SEM1: variants seen among roughly 807,000 people sequenced by gnomAD.
The protein encoded by SEM1 is SEM1 26S proteasome subunit, also known as 26S proteasome complex subunit SEM1.
SEM1 carries 3 observed loss-of-function variants against 12.7 expected under a neutral mutation model. The observed-to-expected ratio is 0.24, with a 90% CI of 0.11 to 0.61. The LOEUF (loss-of-function observed/expected upper bound fraction) is 0.61, where lower values mean the gene tolerates loss of function less well. Ranked by LOEUF, SEM1 falls within the 20% of genes least tolerant of loss-of-function variation. The pLI, the probability that SEM1 is intolerant of heterozygous loss-of-function variation, is 0.88. For missense variants in SEM1, 59 were observed against 81.3 expected, an observed-to-expected ratio of 0.73 and a Z score of 1.06; for synonymous variants, 30 against 27.8, an observed-to-expected ratio of 1.08 and a Z score of -0.25.
At chr7:96,696,586 T>C (rs1226147316) in intron 1 of SEM1, 3 of 152,074 alleles carry the variant, frequency 2.0e-5, no homozygotes, top group African/African-American at 7.2e-5. Flanking sequence ...ATATGAGCAC[T>C]GTTAAGAAAA....
chr7:96,513,468 A>G (rs1278569485), intron 2 of SEM1, among the ~76,000 whole-genome samples: 2 of 152,164 alleles, frequency 1.3e-5, no homozygotes, highest in African/African-American at 4.8e-5. Context: ...GGAAACTTTT[A>G]TCCTTATCTG....
chr7:96,556,954 C>CAG (rs1805525151), intron 2 of SEM1, among the ~76,000 whole-genome samples: 1 of 149,898 alleles, frequency 6.7e-6, no homozygotes, highest in Non-Finnish European at 1.5e-5. Flanking sequence ...TCTTCCATTG[C>CAG]TGATACCCTT....
intron 2 of SEM1, among the ~76,000 whole-genome samples, chr7:96,524,914 C>G (rs1804401204): frequency 1.3e-5 from 2 of 152,068 alleles, no homozygotes; most frequent in South Asian, 4.1e-4. Context: ...AATGAAATAT[C>G]AGTTTTTCCA....
Position 96,539,079 on chromosome 7 carries a change from G to A in SEM1, c.171-32381C>T, listed in dbSNP as rs866141109. Among the ~76,000 whole-genome samples, 11 of 151,820 alleles carry A rather than the reference G, an allele frequency of 7.2e-5. No individual in the cohort carries two copies. The Middle Eastern group carries it at 0.01, about 141-fold the overall frequency. ...GGTAAAACAAGCTAGCATGTTCAAG[G>A]TTCCAATCTGTCAAGATACTGAGAA... On this transcript the variant is annotated intron_variant and NMD_transcript_variant, in intron 2 of 3. Coordinates refer to the SEM1 transcript ENST00000466986.
downstream of SEM1, chr7:96,622,528 G>C: frequency 1.4e-6 from 1 of 728,866 alleles, no homozygotes; most frequent in Non-Finnish European, 2.5e-6. Flanking sequence ...GCTCTCATAT[G>C]GCAAGGGGCT....
intron 2 of SEM1, among the ~76,000 whole-genome samples, chr7:96,585,112 G>A (rs1216554199): frequency 6.6e-6 from 1 of 152,058 alleles, no homozygotes; most frequent in Non-Finnish European, 1.5e-5. Context: ...TCTACTTTTG[G>A]TCTTTGATGA....
intron 2 of SEM1, among the ~76,000 whole-genome samples, chr7:96,584,969 G>T (rs190679647): frequency 6.6e-6 from 1 of 151,304 alleles, no homozygotes; most frequent in African/African-American, 2.4e-5. Flanking sequence ...CTCTCAGCTC[G>T]TCAAAGTCAT....
At chr7:96,511,684 T>C (rs1205980992) in intron 2 of SEM1, among the ~76,000 whole-genome samples, 2 of 152,108 alleles carry the variant, frequency 1.3e-5, no homozygotes, top group Admixed American at 1.3e-4. Flanking sequence ...ACCCAGGTTC[T>C]TACATCAAGG....
chr7:96,661,047 CATAT>C (rs1182348028), intron 2 of SEM1, among the ~76,000 whole-genome samples: 2 of 152,122 alleles, frequency 1.3e-5, no homozygotes, highest in African/African-American at 4.8e-5. Flanking sequence ...CAAAATATTT[CATAT>C]ATATTAATTT....
At chr7:96,498,403 G>A (rs770624456), upstream of SEM1, among the ~76,000 whole-genome samples, 38 of 152,130 alleles carry the variant, frequency 2.5e-4, no homozygotes, top group Admixed American at 5.9e-4. Context: ...ACACACGCAT[G>A]TGTGCATGAT....
intron 2 of SEM1, among the ~76,000 whole-genome samples, chr7:96,607,351 A>T (rs1348794530): frequency 6.6e-6 from 1 of 152,158 alleles, no homozygotes; most frequent in Non-Finnish European, 1.5e-5. Flanking sequence ...AACCCACAGG[A>T]TTTATCTCAA....
rs578071644 is a variant in SEM1 at position 96,526,281 on chromosome 7, A to AT, written c.171-19584dup. 1.2e-3 allele frequency among the ~76,000 whole-genome samples: 184 copies of AT among 147,872 alleles called. 1 individual carries two copies. The highest frequency in any genetic ancestry group is 3.4e-3 in the African/African-American group (136 of 40,520). On this transcript the variant is annotated intron_variant and NMD_transcript_variant, in intron 2 of 3. Transcript: ENST00000466986. ...GTACCTCCTTAGGCCTAAAGCATTT[A>AT]TTTTTTTTTTTCATTTTCAAAACCA...
intron 2 of SEM1, among the ~76,000 whole-genome samples, chr7:96,536,628 T>C (rs1279476191): frequency 6.6e-6 from 1 of 151,948 alleles, no homozygotes; most frequent in South Asian, 2.1e-4. Context: ...AGGATTGTTA[T>C]ATCTTCTTAG....
intron 2 of SEM1, among the ~76,000 whole-genome samples, chr7:96,638,103 T>C (rs2116374952): frequency 6.6e-6 from 1 of 152,142 alleles, no homozygotes; most frequent in East Asian, 1.9e-4. Flanking sequence ...ATGGTATTGT[T>C]TTTATACTCA....
At chr7:96,489,394 G>A (rs1802910532) in intron 1 of SEM1, among the ~76,000 whole-genome samples, 1 of 152,112 alleles carries the variant, frequency 6.6e-6, no homozygotes, top group Non-Finnish European at 1.5e-5. Flanking sequence ...TGTGGGGCCA[G>A]AGAATTTTCA....
intron 1 of SEM1, among the ~76,000 whole-genome samples, chr7:96,487,405 G>A (rs1212881678): frequency 6.7e-6 from 1 of 149,932 alleles, no homozygotes; most frequent in Non-Finnish European, 1.5e-5. Context: ...CTTTTATCCA[G>A]TAATTTTCAT....
chr7:96,670,031 G>A (rs1305736758), downstream of SEM1, among the ~76,000 whole-genome samples: 1 of 152,130 alleles, frequency 6.6e-6, no homozygotes, highest in Non-Finnish European at 1.5e-5. Flanking sequence ...GTACATAACT[G>A]AGCCAGGAGT....
At chr7:96,691,254 G>A (rs1043779146) in intron 2 of SEM1, among the ~76,000 whole-genome samples, 4 of 152,244 alleles carry the variant, frequency 2.6e-5, no homozygotes, top group Non-Finnish European at 5.9e-5. Flanking sequence ...GTAATTACAC[G>A]GAAAGAGAAA....
At chr7:96,702,980 A>C (rs1229020879) in intron 1 of SEM1, among the ~76,000 whole-genome samples, 1 of 152,224 alleles carries the variant, frequency 6.6e-6, no homozygotes, top group Non-Finnish European at 1.5e-5. Flanking sequence ...AGACTAAGGA[A>C]GACTAAAGAG....
Sources: allele counts gnomAD v4.1 joint callset (sites outside exome capture counted in the v4.1 genomes callset), GRCh38; gene constraint gnomAD v4.1.1; transcripts MANE v1.5; gene names NCBI Gene and HGNC (gene_info 2026-07-23, HGNC 2026-07-21).